LGSN: variants seen among roughly 807,000 people sequenced by gnomAD.
LGSN encodes lengsin.
A neutral mutation model predicts 19.5 loss-of-function variants in LGSN; 21 were observed. The observed-to-expected ratio is 1.07, with a 90% CI of 0.76 to 1.55. The LOEUF is 1.55. Ranked by LOEUF, LGSN falls within the 40% of genes most tolerant of loss-of-function variation. LGSN has a pLI of 0.00. For synonymous variants in LGSN, 257 were observed against 215.6 expected (o/e 1.19, Z -1.68); for missense variants, 673 against 608.5 (o/e 1.11, Z -1.12).
chr6:63,513,049 G>A, the LGSN span, among the ~76,000 whole-genome samples: 14 of 152,322 alleles, frequency 9.2e-5, no homozygotes, highest in Admixed American at 9.2e-4. Flanking sequence ...GAAATTTAGA[G>A]GGAGGCAATC....
At chr6:63,535,143 T>G in the LGSN span, among the ~76,000 whole-genome samples, 1 of 151,994 alleles carries the variant, frequency 6.6e-6, no homozygotes, top group Admixed American at 6.6e-5. Flanking sequence ...GTGGTCCCTG[T>G]GGATGAAGAA....
At chr6:63,320,008 T>C, upstream of LGSN, 4 of 1,187,098 alleles carry the variant, frequency 3.4e-6, no homozygotes, top group Non-Finnish European at 5.1e-6. Flanking sequence ...TCAACATGTA[T>C]TTATATGTGT....
At chr6:63,458,699 G>A in the LGSN span, among the ~76,000 whole-genome samples, 40 of 152,204 alleles carry the variant, frequency 2.6e-4, no homozygotes, top group Non-Finnish European at 4.8e-4. Flanking sequence ...AATTCTAGGA[G>A]TCTGAAAAGC....
the LGSN span, among the ~76,000 whole-genome samples, chr6:63,505,832 G>A: frequency 0.05 from 7,516 of 151,712 alleles, 640 homozygotes; most frequent in African/African-American, 0.17. Flanking sequence ...GCTAATTTTT[G>A]TATTTTTAGT....
the LGSN span, among the ~76,000 whole-genome samples, chr6:63,522,530 T>C: frequency 6.6e-6 from 1 of 152,142 alleles, no homozygotes; most frequent in Non-Finnish European, 1.5e-5. Context: ...AAGAGAGCAA[T>C]AGGAAGCACT....
At chr6:63,535,964 T>C in the LGSN span, among the ~76,000 whole-genome samples, 1 of 152,098 alleles carries the variant, frequency 6.6e-6, no homozygotes, top group Non-Finnish European at 1.5e-5. Context: ...GTAGAGACAG[T>C]GTTTCACTGT....
At chr6:63,572,999 C>T in the LGSN span, among the ~76,000 whole-genome samples, 2 of 152,040 alleles carry the variant, frequency 1.3e-5, no homozygotes, top group African/African-American at 4.8e-5. Context: ...GCGACGGGGG[C>T]GGCGCGGTCC....
the LGSN span, among the ~76,000 whole-genome samples, chr6:63,561,897 A>C: frequency 6.6e-6 from 1 of 152,200 alleles, no homozygotes; most frequent in Non-Finnish European, 1.5e-5. Context: ...TGGTGCTTCT[A>C]TCTCTGCTGC....
At chr6:63,504,343 A>G in the LGSN span, among the ~76,000 whole-genome samples, 1 of 151,570 alleles carries the variant, frequency 6.6e-6, no homozygotes, top group Non-Finnish European at 1.5e-5. Context: ...CCACGTTCAC[A>G]CCATTCTCCT....
the LGSN span, among the ~76,000 whole-genome samples, chr6:63,517,947 G>A: frequency 6.6e-6 from 1 of 152,132 alleles, no homozygotes; most frequent in Non-Finnish European, 1.5e-5. Context: ...GAGGTCAGGA[G>A]TTCAAGACGA....
chr6:63,569,983 G>A, the LGSN span, among the ~76,000 whole-genome samples: 1 of 152,182 alleles, frequency 6.6e-6, no homozygotes, highest in Non-Finnish European at 1.5e-5. Context: ...ACTAAATACA[G>A]CAGACACCCT....
At chr6:63,371,620 T>A in the LGSN span, among the ~76,000 whole-genome samples, 1 of 152,234 alleles carries the variant, frequency 6.6e-6, no homozygotes, top group African/African-American at 2.4e-5. Context: ...CTGCAGCTGC[T>A]GAAGTTGTCA....
chr6:63,477,291 TC>T, the LGSN span, among the ~76,000 whole-genome samples: 1 of 152,226 alleles, frequency 6.6e-6, no homozygotes, highest in Non-Finnish European at 1.5e-5. Context: ...TGTCATCCAT[TC>T]TTAGTTAATT....
chr6:63,500,188 C>T, the LGSN span, among the ~76,000 whole-genome samples: 1 of 151,982 alleles, frequency 6.6e-6, no homozygotes, highest in Non-Finnish European at 1.5e-5. Context: ...CCTTAACTCA[C>T]AAAGCAGAGC....
At chr6:63,477,893 A>G in the LGSN span, among the ~76,000 whole-genome samples, 2 of 151,204 alleles carry the variant, frequency 1.3e-5, no homozygotes, top group African/African-American at 2.4e-5. Context: ...AGAATCCAAC[A>G]GTGGCTGTTT....
chr6:63,324,511 T>C (rs1230074736), upstream of LGSN, among the ~76,000 whole-genome samples: 1 of 152,172 alleles, frequency 6.6e-6, no homozygotes, highest in Non-Finnish European at 1.5e-5. Flanking sequence ...GACTATATGT[T>C]AGGACACAAA....
the LGSN span, among the ~76,000 whole-genome samples, chr6:63,421,599 G>T: frequency 6.6e-6 from 1 of 151,632 alleles, no homozygotes; most frequent in East Asian, 1.9e-4. Flanking sequence ...GTGGTGGCAC[G>T]TGCCTGTAGT....
At chr6:63,495,802 T>G in the LGSN span, among the ~76,000 whole-genome samples, 1 of 151,934 alleles carries the variant, frequency 6.6e-6, no homozygotes, top group Non-Finnish European at 1.5e-5. Context: ...AAGAGAAAAT[T>G]TAATAAATAC....
chr6:63,426,442 G>T, the LGSN span, among the ~76,000 whole-genome samples: 48 of 152,280 alleles, frequency 3.2e-4, no homozygotes, highest in African/African-American at 1.1e-3. Flanking sequence ...CGAAGTGTTT[G>T]CCATTTTTCC....
Sources: allele counts gnomAD v4.1 joint callset (sites outside exome capture counted in the v4.1 genomes callset), GRCh38; gene constraint gnomAD v4.1.1; transcripts MANE v1.5; gene names NCBI Gene and HGNC (gene_info 2026-07-23, HGNC 2026-07-21).